The following PTPRD variants were observed in gnomAD, a reference collection of about 807,000 sequenced individuals.
The protein encoded by PTPRD is protein tyrosine phosphatase receptor type D.
A neutral mutation model predicts 214.5 loss-of-function variants in PTPRD; 34 were observed. That is an observed-to-expected ratio of 0.16 (90% confidence interval 0.12 to 0.21). The LOEUF (loss-of-function observed/expected upper bound fraction) is 0.21, where lower values mean the gene tolerates loss of function less well. Ranked by LOEUF, PTPRD falls within the 10% of genes least tolerant of loss-of-function variation. The pLI is 1.00. For missense variants in PTPRD, 2,545 were observed against 2,398.7 expected (o/e 1.06, Z -1.27); for synonymous variants, 1,128 against 845.7 (o/e 1.33, Z -5.79).
At chr9:8,743,244 T>C (rs2092326206) in intron 11 of PTPRD, among the ~76,000 whole-genome samples, 1 of 152,192 alleles carries the variant, frequency 6.6e-6, no homozygotes, top group African/African-American at 2.4e-5. Flanking sequence ...CACCCAAATT[T>C]CCCTTTTTGT....
At chr9:8,431,301 G>C (rs539566437) in intron 35 of PTPRD, among the ~76,000 whole-genome samples, 1 of 152,096 alleles carries the variant, frequency 6.6e-6, no homozygotes, top group Non-Finnish European at 1.5e-5. Flanking sequence ...AAAAGAAGAC[G>C]CTGGCTTGTA....
chr9:9,557,206 A>T (rs1182093697), intron 8 of PTPRD, among the ~76,000 whole-genome samples: 1 of 152,150 alleles, frequency 6.6e-6, no homozygotes, highest in Non-Finnish European at 1.5e-5. Flanking sequence ...AACTTGAAAA[A>T]CTAGTTCAGG....
intron 2 of PTPRD, among the ~76,000 whole-genome samples, chr9:10,468,328 G>T (rs550101778): frequency 3.3e-5 from 5 of 152,234 alleles, no homozygotes; most frequent in Non-Finnish European, 5.9e-5. Context: ...CCATAAAAAA[G>T]GATGAGTTCA....
At chr9:10,214,352 C>G (rs1231168282) in intron 3 of PTPRD, among the ~76,000 whole-genome samples, 7 of 151,814 alleles carry the variant, frequency 4.6e-5, no homozygotes, top group Non-Finnish European at 1.0e-4. Context: ...TGTTGGCTCA[C>G]TGCAACCTCT....
chr9:9,867,492 T>A (rs374988127), intron 5 of PTPRD, among the ~76,000 whole-genome samples: 2 of 152,140 alleles, frequency 1.3e-5, no homozygotes, highest in South Asian at 4.1e-4. Flanking sequence ...CTCAACATAT[T>A]GCTTCTATAA....
intron 34 of PTPRD, among the ~76,000 whole-genome samples, chr9:8,444,735 C>CA (rs1429794682): frequency 4.6e-5 from 7 of 152,076 alleles, no homozygotes; most frequent in African/African-American, 1.7e-4. Context: ...TCCAAAATTT[C>CA]CCCAATAAAC....
chr9:9,538,007 G>T (rs886340016), intron 8 of PTPRD, among the ~76,000 whole-genome samples: 1 of 151,302 alleles, frequency 6.6e-6, no homozygotes, highest in African/African-American at 2.4e-5. Context: ...ACTACTTTTG[G>T]GAGTGGGATA....
At chr9:8,432,525 A>C (rs1228063055) in intron 35 of PTPRD, among the ~76,000 whole-genome samples, 1 of 152,216 alleles carries the variant, frequency 6.6e-6, no homozygotes, top group Non-Finnish European at 1.5e-5. Context: ...AAAAAAAATT[A>C]GCTTCGTGCA....
At chr9:10,357,113 C>T (rs76350548) in intron 2 of PTPRD, among the ~76,000 whole-genome samples, 1,674 of 152,118 alleles carry the variant, frequency 0.011, 69 homozygotes, top group Admixed American at 0.076. Flanking sequence ...AGAAAACACT[C>T]CAAAAAATAA....
chr9:8,640,572 A>C (rs1169982237), intron 12 of PTPRD, among the ~76,000 whole-genome samples: 2 of 151,174 alleles, frequency 1.3e-5, no homozygotes, highest in South Asian at 2.1e-4. Flanking sequence ...AAAAAAAAAA[A>C]AAACAAAAAA....
At chr9:9,510,103 G>A (rs2096664631) in intron 8 of PTPRD, among the ~76,000 whole-genome samples, 1 of 151,598 alleles carries the variant, frequency 6.6e-6, no homozygotes, top group African/African-American at 2.4e-5. Flanking sequence ...CCTGTGTATG[G>A]CCCTACTTCC....
chr9:10,355,839 G>C (rs1254028432), intron 2 of PTPRD, among the ~76,000 whole-genome samples: 3 of 152,136 alleles, frequency 2.0e-5, no homozygotes, highest in East Asian at 3.9e-4. Flanking sequence ...GAAACACTAT[G>C]ATATACTACT....
chr9:8,501,148 A>T, intron 23 of PTPRD, 89 bp from the exon 24 acceptor site: 2 of 979,908 alleles, frequency 2.0e-6, no homozygotes, highest in Non-Finnish European at 3.0e-6. Flanking sequence ...AAAAGGCAAA[A>T]ATAAATAAAC....
At chr9:8,754,391 G>A (rs1404300888) in intron 11 of PTPRD, among the ~76,000 whole-genome samples, 1 of 152,186 alleles carries the variant, frequency 6.6e-6, no homozygotes, top group Non-Finnish European at 1.5e-5. Context: ...ATGGTGAAGT[G>A]TTAGCTCAAG....
intron 2 of PTPRD, among the ~76,000 whole-genome samples, chr9:10,510,699 C>T (rs1417702292): frequency 1.3e-5 from 2 of 152,054 alleles, no homozygotes; most frequent in Non-Finnish European, 2.9e-5. Context: ...TTGATTATTT[C>T]TTTGTGTTGG....
At chr9:9,637,633 T>TA (rs1416995297) in intron 7 of PTPRD, among the ~76,000 whole-genome samples, 1 of 152,222 alleles carries the variant, frequency 6.6e-6, no homozygotes, top group Non-Finnish European at 1.5e-5. Flanking sequence ...TTAGCTCTCA[T>TA]ACATTGAAAT....
chr9:9,097,740 C>T (rs1229207256), intron 10 of PTPRD, among the ~76,000 whole-genome samples: 2 of 152,050 alleles, frequency 1.3e-5, no homozygotes, highest in African/African-American at 4.8e-5. Context: ...TGTTGGGAGA[C>T]AATTCTCTAT....
intron 5 of PTPRD, among the ~76,000 whole-genome samples, chr9:9,807,731 A>C (rs2045884842): frequency 6.6e-6 from 1 of 151,988 alleles, no homozygotes; most frequent in African/African-American, 2.4e-5. Flanking sequence ...AAATATAGTG[A>C]TTCTTGATCG....
chr9:10,450,445 T>A (rs904248332), intron 2 of PTPRD, among the ~76,000 whole-genome samples: 2 of 151,900 alleles, frequency 1.3e-5, no homozygotes, highest in Non-Finnish European at 2.9e-5. Flanking sequence ...TATTTGTCAA[T>A]AATTCAGAGA....
Sources: allele counts gnomAD v4.1 joint callset (sites outside exome capture counted in the v4.1 genomes callset), GRCh38; gene constraint gnomAD v4.1.1; transcripts MANE v1.5; gene names NCBI Gene and HGNC (gene_info 2026-07-23, HGNC 2026-07-21).